Variants in ELP4 observed in about 807,000 individuals in gnomAD.
ELP4 encodes the protein elongator acetyltransferase complex subunit 4, also known as elongator complex protein 4.
In ELP4, 51 loss-of-function variants were observed where a neutral mutation model predicts 48.9. The observed-to-expected ratio is 1.04, with a 90% CI of 0.83 to 1.32. ELP4 has a LOEUF of 1.32. Among genes scored for constraint, ELP4 ranks in the 40% most tolerant of loss-of-function variants. ELP4 has a pLI of 0.00. For synonymous variants in ELP4, 210 were observed against 189.2 expected (o/e 1.11, Z -0.90); for missense variants, 519 against 514.6 (o/e 1.01, Z -0.08).
chr11:31,729,921 G>A (rs942709922), intron 9 of ELP4, among the ~76,000 whole-genome samples: 7 of 152,172 alleles, frequency 4.6e-5, no homozygotes, highest in African/African-American at 7.2e-5. Flanking sequence ...TATTAAGGAA[G>A]CCAACTTAAG....
intron 4 of ELP4, among the ~76,000 whole-genome samples, chr11:31,595,146 A>G (rs1487603587): frequency 1.3e-5 from 2 of 152,168 alleles, no homozygotes; most frequent in Non-Finnish European, 2.9e-5. Context: ...CTAGAGTTGC[A>G]AGACAGAGTA....
chr11:31,670,147 AT>A (rs1945778811), intron 9 of ELP4, among the ~76,000 whole-genome samples: 2 of 152,120 alleles, frequency 1.3e-5, no homozygotes, highest in Non-Finnish European at 2.9e-5. Flanking sequence ...ATTTAAATGC[AT>A]TTTTTAGCTA....
chr11:31,509,911 G>C lies in ELP4; in HGVS notation c.127G>C (p.Gly43Arg). The change falls in exon 1 of 10, where the codon GGC becomes CGC. Residue 43 changes from glycine to arginine, a missense_variant. By Grantham distance (125) the Gly-to-Arg change is moderately radical. Coordinates refer to ENST00000640961, the MANE Select transcript of ELP4 (RefSeq NM_019040.5). ...TAGAGCCAGCGTGACCAACGACAGC[G>C]GCCCTCGACTGGTGTCCATTGCGGG... Reference protein sequence around the residue: ...GPRASVTNDSGPRLVSIAGTR... With the variant: ...GPRASVTNDSRPRLVSIAGTR... 6.2e-7 allele frequency: 1 copy of C among 1,614,048 alleles called. No individual in the cohort carries two copies. The highest frequency in any genetic ancestry group is 2.2e-5 in the East Asian group (1 of 44,874).
intron 1 of ELP4, among the ~76,000 whole-genome samples, chr11:31,513,428 G>A (rs1285515966): frequency 6.6e-6 from 1 of 152,130 alleles, no homozygotes; most frequent in Non-Finnish European, 1.5e-5. Flanking sequence ...AAGTAGTTAA[G>A]GCTATTACTA....
intron 9 of ELP4, among the ~76,000 whole-genome samples, chr11:31,774,160 G>A (rs1948200286): frequency 1.3e-5 from 2 of 152,216 alleles, no homozygotes; most frequent in Admixed American, 1.3e-4. Flanking sequence ...GGGCAACAAA[G>A]CGAGACTGTC....
chr11:31,773,877 C>G (rs1324697009), intron 9 of ELP4, among the ~76,000 whole-genome samples: 1 of 152,166 alleles, frequency 6.6e-6, no homozygotes, highest in African/African-American at 2.4e-5. Context: ...ATGACTGTTA[C>G]ATTGTAAGAC....
intron 9 of ELP4, among the ~76,000 whole-genome samples, chr11:31,671,689 A>T (rs1945810867): frequency 6.6e-6 from 1 of 152,186 alleles, no homozygotes; most frequent in Admixed American, 6.5e-5. Context: ...ATGGCAGACC[A>T]CTAGACACAG....
chr11:31,658,070 C>A (rs560817252), intron 9 of ELP4, among the ~76,000 whole-genome samples: 1 of 152,048 alleles, frequency 6.6e-6, no homozygotes, highest in East Asian at 1.9e-4. Context: ...AAATTGAAGC[C>A]TGTTTTATTC....
intron 9 of ELP4, among the ~76,000 whole-genome samples, chr11:31,659,112 G>A (rs1049550726): frequency 1.3e-5 from 2 of 152,076 alleles, no homozygotes; most frequent in Non-Finnish European, 2.9e-5. Flanking sequence ...AGGTAGAATT[G>A]TGGACCATAA....
intron 9 of ELP4, among the ~76,000 whole-genome samples, chr11:31,776,849 T>C (rs1948258336): frequency 6.6e-6 from 1 of 152,236 alleles, no homozygotes; most frequent in Non-Finnish European, 1.5e-5. Flanking sequence ...TCTTAAACCC[T>C]GGGCATGAAT....
intron 5 of ELP4, among the ~76,000 whole-genome samples, chr11:31,614,405 C>T (rs995904157): frequency 5.9e-5 from 9 of 152,034 alleles, no homozygotes; most frequent in Non-Finnish European, 1.2e-4. Flanking sequence ...AAGGAGTTCT[C>T]ACTGGGCATG....
At chr11:31,604,643 C>T (rs1203854917) in intron 5 of ELP4, among the ~76,000 whole-genome samples, 1 of 151,788 alleles carries the variant, frequency 6.6e-6, no homozygotes, top group African/African-American at 2.4e-5. Flanking sequence ...AAACCATTTT[C>T]AAAATGAGAT....
Position 31,688,676 on chromosome 11 carries a change from T to A in ELP4, c.1143+38455T>A, listed in dbSNP as rs190004750. ...ATACACTCAAGAAATGTAGAATTGGTAATATTATACTAGAAAATGAACTTC... is the reference window on the plus strand; with the variant it reads ...ATACACTCAAGAAATGTAGAATTGGAAATATTATACTAGAAAATGAACTTC... On this transcript the variant is annotated intron_variant, in intron 9 of 9. Transcript: ENST00000640961. 1.4e-4 allele frequency among the ~76,000 whole-genome samples: 22 copies of A among 152,356 alleles called. No individual in the cohort carries two copies. In the Middle Eastern group the frequency reaches 0.01, roughly 71 times the overall value.
chr11:31,573,869 G>A lies in ELP4; in HGVS notation c.382-20901G>A, dbSNP rs570409157. Among the ~76,000 whole-genome samples, 10 of 137,134 alleles carry A rather than the reference G, an allele frequency of 7.3e-5. No homozygotes were observed. In the South Asian group the frequency reaches 2.1e-3, roughly 29 times the overall value. 90.0% of individuals were successfully genotyped at this position (137,134 alleles called of 152,430 possible). A position where few individuals can be genotyped will look rare whatever the true frequency, so the allele number is the denominator to read the frequency against. On this transcript the variant is annotated intron_variant, in intron 3 of 9. Coordinates refer to ENST00000640961, the MANE Select transcript of ELP4 (RefSeq NM_019040.5). ...CGGACCTGAGGAGGACACAAACATT[G>A]ACTATCTCATTTAAACTTAGATATT...
chr11:31,604,090 T>G (rs1359299307), intron 5 of ELP4, among the ~76,000 whole-genome samples, 183 bp downstream of exon 5: 1 of 151,810 alleles, frequency 6.6e-6, no homozygotes, highest in Non-Finnish European at 1.5e-5. Context: ...TCTGTGGCTT[T>G]CTTTTTTCTC....
intron 2 of ELP4, among the ~76,000 whole-genome samples, chr11:31,521,409 G>A (rs553075318): frequency 6.6e-6 from 1 of 152,064 alleles, no homozygotes; most frequent in South Asian, 2.1e-4. Flanking sequence ...CTATTCCATA[G>A]TTAATCTGAT....
chr11:31,787,585 A>G lies in ELP4; in HGVS notation c.*4061A>G, dbSNP rs1179921870. ...TAGGCTGCAAAATGTCAGGAGGTAGAAATGTCTGCACCGGCAATTGTACCA... is the reference window on the plus strand; with the variant it reads ...TAGGCTGCAAAATGTCAGGAGGTAGGAATGTCTGCACCGGCAATTGTACCA... On this transcript the variant is annotated 3_prime_UTR_variant, in exon 10 of 10. Transcript: ENST00000640961. 1 of 232,612 alleles carries G rather than the reference A, an allele frequency of 4.3e-6. No homozygotes were observed. Among genetic ancestry groups the G allele is most frequent in the African/African-American group, 2.2e-5 (1 of 45,332 alleles). The allele number at this position is 232,612 out of a possible 1,614,324, so 14.4% of individuals were successfully genotyped here.
At chr11:31,777,742 C>T (rs955622731) in intron 9 of ELP4, among the ~76,000 whole-genome samples, 1 of 152,184 alleles carries the variant, frequency 6.6e-6, no homozygotes, top group East Asian at 1.9e-4. Flanking sequence ...GCCTTGCAGC[C>T]AGAAGTGGAA....
At chr11:31,518,049 A>G (rs1317397032) in intron 1 of ELP4, among the ~76,000 whole-genome samples, 1 of 152,172 alleles carries the variant, frequency 6.6e-6, no homozygotes, top group African/African-American at 2.4e-5. Flanking sequence ...TGGAGTGAAG[A>G]GCAAAGTATA....
Sources: gnomAD v4.1 joint callset for allele counts (sites outside exome capture counted in the v4.1 genomes callset) on GRCh38, gnomAD v4.1.1 for gene constraint, MANE v1.5 for transcripts, NCBI Gene and HGNC (gene_info 2026-07-23, HGNC 2026-07-21) for gene names.